RIPK2: variants seen among roughly 807,000 people sequenced by gnomAD.
RIPK2 encodes receptor interacting serine/threonine kinase 2.
Under a neutral mutation model 60.9 loss-of-function variants are expected in RIPK2, and 38 were observed. The ratio of observed to expected loss-of-function variants is 0.62; its 90% CI spans 0.48 to 0.82. The LOEUF (loss-of-function observed/expected upper bound fraction) is 0.82. RIPK2 is among the 40% of genes least tolerant of loss of function. The probability of loss-of-function intolerance (pLI) is 0.00; values close to 1 mark genes in which losing one functional copy is unlikely to be tolerated. For synonymous variants in RIPK2, 225 were observed against 223.4 expected, an observed-to-expected ratio of 1.01 and a Z score of -0.06; for missense variants, 518 against 647.0, an observed-to-expected ratio of 0.80 and a Z score of 2.16.
At chr8:89,768,515 C>T (rs56793332) in intron 3 of RIPK2, among the ~76,000 whole-genome samples, 8,821 of 151,670 alleles carry the variant, frequency 0.058, 781 homozygotes, top group African/African-American at 0.19. Context: ...TTTTGGAGAA[C>T]ACTCATTCAG....
chr8:89,783,818 C>T (rs1218784060), intron 7 of RIPK2, among the ~76,000 whole-genome samples: 2 of 152,144 alleles, frequency 1.3e-5, no homozygotes, highest in East Asian at 1.9e-4. Flanking sequence ...CTCTGAGACA[C>T]TGAGAGAAGG....
intron 7 of RIPK2, among the ~76,000 whole-genome samples, chr8:89,781,994 C>T (rs1259911445): frequency 1.3e-5 from 2 of 151,908 alleles, no homozygotes; most frequent in South Asian, 2.1e-4. Context: ...CATAACAAAA[C>T]AAAACAAAAA....
In RIPK2 at chr8:89,775,302, A is replaced by G. The variant is rs141397488; in HGVS notation, c.853+2474A>G. On this transcript the variant is annotated intron_variant, in intron 6 of 10. Coordinates refer to ENST00000220751, the MANE Select transcript of RIPK2 (RefSeq NM_003821.6). Reference sequence around the variant, plus strand: ...AAATAAAAATAAAAAAAAAATAAAAAATTAGCCAGACATGGTTCGTTGCCT... The same window carrying G: ...AAATAAAAATAAAAAAAAAATAAAAGATTAGCCAGACATGGTTCGTTGCCT... Among the ~76,000 whole-genome samples the G allele has an allele frequency of 3.8e-3, 579 of 152,088 alleles. 3 individuals carry two copies. Among genetic ancestry groups the G allele is most frequent in the Non-Finnish European group, 7.0e-3 (473 of 67,966 alleles).
At position 89,758,153 on chromosome 8, in the gene RIPK2, T is replaced by C; in HGVS notation, c.93T>C (p.Thr31=). Residue 31 remains threonine, a synonymous_variant, in exon 1 of 11, where the codon ACT becomes ACC. Transcript: ENST00000220751. ...ACCTGAGCCGCGGCGCCTCTGGCAC[T>C]GTGTCGTCCGCCCGCCACGCAGACT... is the stretch of plus-strand genomic sequence containing the variant. ...LRYLSRGASG[T]VSSARHADWR... 1 of 1,597,984 alleles carries C rather than the reference T, an allele frequency of 6.3e-7. No individual in the cohort carries two copies. Among genetic ancestry groups the C allele is most frequent in the Non-Finnish European group, 8.5e-7 (1 of 1,173,876 alleles).
chr8:89,779,685 G>C (rs1809465620), intron 6 of RIPK2, among the ~76,000 whole-genome samples: 1 of 152,168 alleles, frequency 6.6e-6, no homozygotes, highest in Admixed American at 6.5e-5. Flanking sequence ...CCTAACCCAA[G>C]ATCATGAGGA....
chr8:89,762,370 A>G (rs549107202), intron 1 of RIPK2, among the ~76,000 whole-genome samples: 1 of 152,226 alleles, frequency 6.6e-6, no homozygotes, highest in Middle Eastern at 3.4e-3. Context: ...ATAACATTTA[A>G]AGGTTTTAAT....
rs1416952921 is a variant in RIPK2, at chr8:89,769,834, A to C, written c.546A>C (p.Lys182Asn). 1 of 1,609,578 alleles carries C rather than the reference A, an allele frequency of 6.2e-7. No homozygotes were observed. Among genetic ancestry groups the C allele is most frequent in the Non-Finnish European group, 8.5e-7 (1 of 1,177,464 alleles). The change falls in exon 4 of 11, where the codon AAA (lysine) becomes AAC (asparagine). Residue 182 changes from lysine (K) to asparagine (N), a missense_variant. Physicochemically the swap from Lys to Asn is moderately conservative, Grantham distance 94 (BLOSUM62 0). This residue lies in a region of RIPK2 where 448 missense variants were observed against 534.7 expected (regional missense o/e 0.84). Transcript: ENST00000220751. ...MMSLSQSRSSKSAPEGGTIIY... is the reference protein window; with the variant it reads ...MMSLSQSRSSNSAPEGGTIIY... ...CCCTCTCACAGTCACGAAGTAGCAA[A>C]TCTGCACCAGAAGGAGGGACAATTA...
At chr8:89,770,854 C>A (rs895121893) in intron 4 of RIPK2, among the ~76,000 whole-genome samples, 6 of 151,836 alleles carry the variant, frequency 4.0e-5, no homozygotes, top group Non-Finnish European at 8.8e-5. Flanking sequence ...CATACAGTGT[C>A]TTTTACATTC....
intron 6 of RIPK2, among the ~76,000 whole-genome samples, chr8:89,775,062 T>C (rs1487945473): frequency 1.3e-5 from 2 of 151,926 alleles, no homozygotes; most frequent in Non-Finnish European, 2.9e-5. Flanking sequence ...AAGGCAAATA[T>C]GGAAAATTCC....
chr8:89,771,965 G>C (rs1276991967), intron 5 of RIPK2, among the ~76,000 whole-genome samples, 175 bp downstream of exon 5: 1 of 151,966 alleles, frequency 6.6e-6, no homozygotes, highest in Admixed American at 6.6e-5. Flanking sequence ...CCGGGTTAAG[G>C]ATCCAGTTGT....
At chr8:89,783,483 T>C (rs1274717164) in intron 7 of RIPK2, among the ~76,000 whole-genome samples, 1 of 152,214 alleles carries the variant, frequency 6.6e-6, no homozygotes, top group African/African-American at 2.4e-5. Context: ...TGAGATTAAA[T>C]CTAATGTCTC....
At chr8:89,764,899 T>A (rs1809201896) in intron 2 of RIPK2, among the ~76,000 whole-genome samples, 1 of 152,074 alleles carries the variant, frequency 6.6e-6, no homozygotes, top group Non-Finnish European at 1.5e-5. Flanking sequence ...AAATACAAAT[T>A]TTGAATGAAT....
In RIPK2 at chr8:89,790,109, G is replaced by A; in HGVS notation, c.1316G>A (p.Trp439Ter). 6.2e-7 allele frequency: 1 copy of A among 1,613,892 alleles called. No homozygotes were observed. The highest frequency in any genetic ancestry group is 8.5e-7 in the Non-Finnish European group (1 of 1,179,918). Residue 439 changes from tryptophan to a stop codon, truncating the protein, a stop_gained, in exon 11 of 11, where the codon TGG becomes TAG. Coordinates refer to ENST00000220751, the MANE Select transcript of RIPK2 (RefSeq NM_003821.6). LOFTEE classifies it high-confidence loss of function. Reference protein sequence around the residue: ...ERLQPGIAQQWIQSKREDIVN... With the variant: ...ERLQPGIAQQ The stretch of plus-strand genomic sequence containing the variant: ...CTGCAGCCTGGTATAGCCCAGCAGT[G>A]GATCCAGAGCAAAAGGGAAGACATT...
intron 2 of RIPK2, 140 bp downstream of exon 2, chr8:89,763,122 A>C: frequency 1.9e-6 from 1 of 519,738 alleles, no homozygotes; most frequent in Non-Finnish European, 3.0e-6. Context: ...CACAGGGATA[A>C]AATTTTACCT....
intron 6 of RIPK2, among the ~76,000 whole-genome samples, chr8:89,779,116 C>G (rs1267737844): frequency 6.6e-6 from 1 of 151,886 alleles, no homozygotes; most frequent in East Asian, 1.9e-4. Context: ...AAATCTTTTA[C>G]TTGTTTTTTA....
In RIPK2 at chr8:89,765,503, A is replaced by C. The variant is rs1396624065; in HGVS notation, c.483+7A>C. 6.5e-7 allele frequency: 1 copy of C among 1,540,774 alleles called. No individual in the cohort carries two copies. The highest frequency in any genetic ancestry group is 8.9e-7 in the Non-Finnish European group (1 of 1,123,132). On this transcript the variant is annotated splice_region_variant and intron_variant, in intron 3 of 10. Transcript: ENST00000220751. ...CAATGAATTTCATGTTAAGGTAATTACTTTTTTAAAAAGTTTATGTTTCCT... is the reference window on the plus strand; with the variant it reads ...CAATGAATTTCATGTTAAGGTAATTCCTTTTTTAAAAAGTTTATGTTTCCT...
intron 6 of RIPK2, among the ~76,000 whole-genome samples, chr8:89,777,209 A>G (rs1437593743): frequency 6.6e-6 from 1 of 152,268 alleles, no homozygotes; most frequent in African/African-American, 2.4e-5. Context: ...CAGTAAGCCA[A>G]AAGCCAAAAT....
chr8:89,780,039 A>C (rs778284896), intron 6 of RIPK2, 36 bp from the exon 7 acceptor site: 3 of 1,054,354 alleles, frequency 2.8e-6, no homozygotes, highest in Non-Finnish European at 4.2e-6. Flanking sequence ...CTTAGAAGCA[A>C]TCTGAACTCA....
intron 1 of RIPK2, among the ~76,000 whole-genome samples, chr8:89,759,670 T>C (rs1378533020): frequency 1.3e-5 from 2 of 152,266 alleles, no homozygotes; most frequent in African/African-American, 4.8e-5. Context: ...CCAGGCCTTA[T>C]ATTCTGTGGA....
Sources: gnomAD v4.1 joint callset for allele counts (sites outside exome capture counted in the v4.1 genomes callset) on GRCh38, gnomAD v4.1.1 for gene constraint, gnomAD v4.1.1 regional missense constraint, MANE v1.5 for transcripts, NCBI Gene and HGNC (gene_info 2026-07-23, HGNC 2026-07-21) for gene names.